Variants in PC observed in about 807,000 individuals in gnomAD.
PC encodes pyruvate carboxylase, mitochondrial.
Under a neutral mutation model 107.8 loss-of-function variants are expected in PC, and 46 were observed. The ratio of observed to expected loss-of-function variants is 0.43; its 90% CI spans 0.34 to 0.55. PC has a LOEUF of 0.55. Among genes scored for constraint, PC ranks in the 20% least tolerant of loss-of-function variants. The probability of loss-of-function intolerance (pLI) is 0.04; values close to 1 mark genes in which losing one functional copy is unlikely to be tolerated. For missense variants in PC, 1,241 were observed against 1,643.1 expected (o/e 0.76, Z 4.23); for synonymous variants, 662 against 684.7 (o/e 0.97, Z 0.52).
rs1946706186 is a variant in PC at position 66,870,968 on chromosome 11, C to G, written c.634-76G>C. 1 of 1,608,566 alleles carries G rather than the reference C, an allele frequency of 6.2e-7. No individual in the cohort carries two copies. On this transcript the variant is annotated intron_variant, in intron 7 of 22. Transcript: ENST00000393960. This position sits in a 1 kb window ranked among gnomAD's most constrained non-coding sequence, Gnocchi z 6.1. ...TCTCCCCTGCCATGAACCCCACCCACTTTCCAGATCCCTTGAGTGGTCCGC... is the reference window on the plus strand; with the variant it reads ...TCTCCCCTGCCATGAACCCCACCCAGTTTCCAGATCCCTTGAGTGGTCCGC...
chr11:66,889,022 C>T (rs774470219), intron 3 of PC, among the ~76,000 whole-genome samples: 1 of 152,070 alleles, frequency 6.6e-6, no homozygotes, highest in Non-Finnish European at 1.5e-5. Flanking sequence ...TGCTGTGAGC[C>T]GAGATCGCGA....
chr11:66,860,564 T>A, intron 12 of PC: 1 of 701,452 alleles, frequency 1.4e-6, no homozygotes. Flanking sequence ...AGGGTGGGGC[T>A]ACCAGGGCCG....
rs929904576 is a variant in PC at position 66,871,608 on chromosome 11, G to A, written c.321+79C>T. On this transcript the variant is annotated intron_variant, in intron 5 of 22. Transcript: ENST00000393960. This position sits in a 1 kb window ranked among gnomAD's most constrained non-coding sequence, Gnocchi z 7.4. The stretch of plus-strand genomic sequence containing the variant: ...ACCCACGCACAGAGGCGCTGAGCAC[G>A]CCAGCCTCAAGAGACCCCCGCGGCA... 13 of 1,564,798 alleles carry A rather than the reference G, an allele frequency of 8.3e-6. No individual in the cohort carries two copies. The highest frequency in any genetic ancestry group is 8.1e-5 in the African/African-American group (6 of 73,678).
At chr11:66,945,454 T>G (rs1949262032) in intron 3 of PC, among the ~76,000 whole-genome samples, 2 of 102,646 alleles carry the variant, frequency 1.9e-5, no homozygotes, top group East Asian at 3.1e-4. Context: ...TTACATGAGA[T>G]GAGAAGAGGA....
Position 66,941,958 on chromosome 11 carries a change from C to T in PC, c.-1+10472G>A, listed in dbSNP as rs957160269. On this transcript the variant is annotated intron_variant, in intron 3 of 22. Coordinates refer to ENST00000393960, the MANE Select transcript of PC (RefSeq NM_001040716.2). ...TCTCTAATAAAAATATAAAATTAGC[C>T]GGGTGTGGTGGCACATGCCTGTAAT... Among the ~76,000 whole-genome samples the T allele has an allele frequency of 4.0e-4, 60 of 151,828 alleles. No individual in the cohort carries two copies. The Middle Eastern group carries it at 0.01, about 26-fold the overall frequency.
Position 66,858,487 on chromosome 11 carries a change from T to G in PC, c.1369-5104A>C. On this transcript the variant is annotated intron_variant, in intron 12 of 22. Coordinates refer to ENST00000393960, the MANE Select transcript of PC (RefSeq NM_001040716.2). This position sits in a 1 kb window ranked among gnomAD's most constrained non-coding sequence, Gnocchi z 5.9. ...TGTGAGCTGCTGTGGCTGCGGCGGC[T>G]GGCGCGGCCGGACGACCTGGAAACG... 6.5e-7 allele frequency: 1 copy of G among 1,540,008 alleles called. No homozygotes were observed. Among genetic ancestry groups the G allele is most frequent in the East Asian group, 2.4e-5 (1 of 41,152 alleles).
In PC at chr11:66,862,705, T is replaced by C. The variant is rs114787965; in HGVS notation, c.1368+1069A>G. On this transcript the variant is annotated intron_variant, in intron 12 of 22. Coordinates refer to ENST00000393960, the MANE Select transcript of PC (RefSeq NM_001040716.2). Reference sequence around the variant, plus strand: ...CGAGGCGGCATTTCCTGGCTGTGGATTCCTCTCTAGCTACAGACGCCAGTA... The same window carrying C: ...CGAGGCGGCATTTCCTGGCTGTGGACTCCTCTCTAGCTACAGACGCCAGTA... Among the ~76,000 whole-genome samples the C allele has an allele frequency of 9.2e-3, 1,403 of 152,304 alleles. 27 individuals are homozygous for C. The highest frequency in any genetic ancestry group is 0.031 in the African/African-American group (1,296 of 41,556).
At chr11:66,859,851 G>C in intron 12 of PC, 2 of 1,565,128 alleles carry the variant, frequency 1.3e-6, no homozygotes, top group Non-Finnish European at 1.7e-6. Flanking sequence ...GACCGTGGCC[G>C]TGGGGGGTGT....
Position 66,858,736 on chromosome 11 carries a change from TC to T in PC, c.1368+5037del, listed in dbSNP as rs758408482. 2 of 1,553,946 alleles carry T rather than the reference TC, an allele frequency of 1.3e-6. No homozygotes were observed. Among genetic ancestry groups the T allele is most frequent in the South Asian group, 1.2e-5 (1 of 84,726 alleles). ...GGCAACTCCTCCCGAGCCCGGGCTT[TC>T]CCCAACGGGACCTTAGAGATTGGGG... On this transcript the variant is annotated intron_variant, in intron 12 of 22. Coordinates refer to ENST00000393960, the MANE Select transcript of PC (RefSeq NM_001040716.2). The surrounding 1 kb of genome is among the most constrained non-coding windows in gnomAD (Gnocchi z 5.9).
Position 66,858,958 on chromosome 11 carries a change from C to G in PC, c.1368+4816G>C. The G allele has an allele frequency of 6.3e-7, 1 of 1,576,922 alleles. No homozygotes were observed. The highest frequency in any genetic ancestry group is 1.1e-5 in the South Asian group (1 of 86,970). ...GCCGAGGGTGAGGGGACGCTGGAGTCTGAGCCAGCCGTGCAGGTGACGGAG... is the reference window on the plus strand; with the variant it reads ...GCCGAGGGTGAGGGGACGCTGGAGTGTGAGCCAGCCGTGCAGGTGACGGAG... On this transcript the variant is annotated intron_variant, in intron 12 of 22. Transcript: ENST00000393960. This position sits in a 1 kb window ranked among gnomAD's most constrained non-coding sequence, Gnocchi z 5.9.
intron 1 of PC, among the ~76,000 whole-genome samples, chr11:66,956,828 G>A (rs1949571065): frequency 6.6e-6 from 1 of 152,150 alleles, no homozygotes; most frequent in Non-Finnish European, 1.5e-5. Flanking sequence ...TGTCCTCCTA[G>A]GGCCAATACC....
chr11:66,939,821 A>C lies in PC; in HGVS notation c.-1+12609T>G, dbSNP rs560676298. Among the ~76,000 whole-genome samples, 28 of 150,392 alleles carry C rather than the reference A, an allele frequency of 1.9e-4. 1 individual carries two copies. In the East Asian group the frequency reaches 5.1e-3, roughly 27 times the overall value. ...CTCCGTCTCAAAAAAAAAAAAAAAA[A>C]AAAAACCAAAAACAAGAAAAAACAA... On this transcript the variant is annotated intron_variant, in intron 3 of 22. Coordinates refer to ENST00000393960, the MANE Select transcript of PC (RefSeq NM_001040716.2).
rs754573606 is a variant in PC, at chr11:66,852,522, C to T, written c.1742G>A (p.Arg581His). 1.4e-5 allele frequency: 23 copies of T among 1,614,074 alleles called. No homozygotes were observed. The highest frequency in any genetic ancestry group is 7.7e-5 in the South Asian group (7 of 91,088). Residue 581 changes from arginine to histidine, a missense_variant, in exon 15 of 23, where the codon CGT becomes CAT. By Grantham distance (29) the Arg-to-His change is conservative. Coordinates refer to ENST00000393960, the MANE Select transcript of PC (RefSeq NM_001040716.2). This position sits in a 1 kb window ranked among gnomAD's most constrained non-coding sequence, Gnocchi z 4.7. ...RDAHQSLLAT[R>H]VRTHDLKKIA... ...CTTTTTGAGATCGTGGGTGCGCACA[C>T]GAGTGGCCAGCAGTGACTGGTGGGC...
chr11:66,869,697 AG>A (rs1946645927), intron 9 of PC, among the ~76,000 whole-genome samples: 1 of 152,116 alleles, frequency 6.6e-6, no homozygotes, highest in African/African-American at 2.4e-5. Context: ...CCTATAGGCC[AG>A]GGAAGAAGAG....
chr11:66,945,423 G>C (rs1949259535), intron 3 of PC, among the ~76,000 whole-genome samples: 1 of 97,070 alleles, frequency 1.0e-5, no homozygotes, highest in South Asian at 3.2e-4. Flanking sequence ...TGGTTTGGGG[G>C]GGCGGGTCGG....
chr11:66,908,897 A>T (rs1209997116), intron 3 of PC, among the ~76,000 whole-genome samples: 2 of 152,068 alleles, frequency 1.3e-5, no homozygotes. Context: ...CAGCACTGGC[A>T]CCTCTGTTTC....
chr11:66,892,770 G>A (rs1049568530), intron 3 of PC, among the ~76,000 whole-genome samples: 7 of 152,022 alleles, frequency 4.6e-5, no homozygotes, highest in Non-Finnish European at 7.4e-5. Flanking sequence ...CAGGAGAATC[G>A]CTTGAACCCA....
At chr11:66,873,435 A>G (rs1276047284) in intron 3 of PC, among the ~76,000 whole-genome samples, 4 of 87,012 alleles carry the variant, frequency 4.6e-5, no homozygotes, top group African/African-American at 2.0e-4. Flanking sequence ...TATATATATT[A>G]TATATTATAT....
chr11:66,933,016 C>T (rs1049647304), intron 3 of PC, among the ~76,000 whole-genome samples: 6 of 152,164 alleles, frequency 3.9e-5, no homozygotes, highest in Admixed American at 1.3e-4. Context: ...AAAAATCCAA[C>T]GGAAAACCTC....
Sources: allele counts gnomAD v4.1 joint callset (sites outside exome capture counted in the v4.1 genomes callset), GRCh38; gene constraint gnomAD v4.1.1; non-coding constraint Gnocchi (gnomAD v3.1); transcripts MANE v1.5; gene names NCBI Gene and HGNC (gene_info 2026-07-23, HGNC 2026-07-21).